Variants in U2SURP observed in about 807,000 individuals in gnomAD.
U2SURP encodes U2 snRNP-associated SURP motif-containing protein.
Under a neutral mutation model 144.9 loss-of-function variants are expected in U2SURP, and 9 were observed. That is an observed-to-expected ratio of 0.06 (90% CI 0.04 to 0.11). The LOEUF is 0.11. Ranked by LOEUF, U2SURP falls within the 10% of genes least tolerant of loss-of-function variation. U2SURP has a pLI of 1.00. For missense variants in U2SURP, 724 were observed against 1,226.7 expected (o/e 0.59, Z 6.12); for synonymous variants, 408 against 396.8 (o/e 1.03, Z -0.33).
chr3:143,034,550 A>T (rs1422675436), intron 18 of U2SURP: 1 of 161,736 alleles, frequency 6.2e-6, no homozygotes, highest in Non-Finnish European at 1.3e-5. Flanking sequence ...GTCTGCTATT[A>T]GTTTTTTTGC....
chr3:143,019,754 C>T (rs1449764015), intron 6 of U2SURP, among the ~76,000 whole-genome samples: 1 of 152,078 alleles, frequency 6.6e-6, no homozygotes, highest in East Asian at 1.9e-4. Context: ...TACTGGTTGT[C>T]ATTTTAATTG....
At chr3:143,019,865 G>T in intron 6 of U2SURP, 104 bp from the exon 7 acceptor site, 1 of 492,616 alleles carries the variant, frequency 2.0e-6, no homozygotes. Context: ...TAAATAATTA[G>T]AACATACAAT....
chr3:143,051,167 C>A, intron 25 of U2SURP, 118 bp downstream of exon 25: 1 of 581,350 alleles, frequency 1.7e-6, no homozygotes, highest in South Asian at 2.5e-5. Context: ...ATTTTGAATA[C>A]TAGTAGGGCA....
chr3:143,050,773 A>C (rs1934815927), intron 24 of U2SURP, among the ~76,000 whole-genome samples, 166 bp from the exon 25 acceptor site: 1 of 152,190 alleles, frequency 6.6e-6, no homozygotes, highest in African/African-American at 2.4e-5. Flanking sequence ...CCATCTGGTC[A>C]GCTGATTTTT....
chr3:143,051,751 G>T (rs1934878046), intron 25 of U2SURP, among the ~76,000 whole-genome samples: 1 of 152,070 alleles, frequency 6.6e-6, no homozygotes, highest in South Asian at 2.1e-4. Context: ...AGCAACTGTG[G>T]TGCTGCTCAG....
chr3:143,049,519 A>G (rs1008836409), intron 24 of U2SURP, among the ~76,000 whole-genome samples: 6 of 152,180 alleles, frequency 3.9e-5, no homozygotes, highest in African/African-American at 9.7e-5. Flanking sequence ...GAGTGGAACA[A>G]TATTGAGCAG....
chr3:143,049,627 A>G (rs939730265), intron 24 of U2SURP, among the ~76,000 whole-genome samples: 2 of 152,216 alleles, frequency 1.3e-5, no homozygotes, highest in South Asian at 2.1e-4. Context: ...GTCCTCCCGT[A>G]GAATTCAAGA....
intron 24 of U2SURP, among the ~76,000 whole-genome samples, chr3:143,049,818 A>G (rs1934755995): frequency 6.6e-6 from 1 of 152,220 alleles, no homozygotes; most frequent in Non-Finnish European, 1.5e-5. Context: ...TCTCCAGAAT[A>G]AAAAGTAAAA....
chr3:143,039,550 T>A (rs1335265139), intron 23 of U2SURP, among the ~76,000 whole-genome samples: 2 of 151,750 alleles, frequency 1.3e-5, no homozygotes, highest in Admixed American at 6.6e-5. Flanking sequence ...GTATTGGCAG[T>A]TTTTAGGAAG....
At chr3:143,002,400 C>T (rs1034182960) in intron 1 of U2SURP, 9 of 152,342 alleles carry the variant, frequency 5.9e-5, no homozygotes, top group Middle Eastern at 3.4e-3. Context: ...TTTGTGTTTA[C>T]AGGGAACCCT....
intron 2 of U2SURP, chr3:143,011,963 T>C (rs1414709516): frequency 1.7e-6 from 1 of 574,322 alleles, no homozygotes; most frequent in Admixed American, 2.2e-5. Context: ...TTCTTGAAAA[T>C]GAAGGTAACG....
chr3:143,033,648 A>G (rs1933637058), intron 18 of U2SURP, among the ~76,000 whole-genome samples: 1 of 152,188 alleles, frequency 6.6e-6, no homozygotes, highest in African/African-American at 2.4e-5. Flanking sequence ...CCTAGAGATG[A>G]TTTAACAGAT....
At chr3:143,032,719 C>T (rs987019137) in intron 16 of U2SURP, 65 bp from the exon 17 acceptor site, 1 of 1,415,572 alleles carries the variant, frequency 7.1e-7, no homozygotes, top group African/African-American at 1.4e-5. Context: ...AGTTTGTGAG[C>T]AAAAGCTACA....
At chr3:143,001,867 G>C (rs1239080361) in intron 1 of U2SURP, among the ~76,000 whole-genome samples, 194 bp downstream of exon 1, 2 of 152,224 alleles carry the variant, frequency 1.3e-5, no homozygotes, top group African/African-American at 2.4e-5. Flanking sequence ...CCGGGATTCA[G>C]CTCGAGACTG....
chr3:143,038,130 A>G lies in U2SURP; in HGVS notation c.2244A>G (p.Lys748=). 1.2e-6 allele frequency: 2 copies of G among 1,606,152 alleles called. No individual in the cohort carries two copies. The highest frequency in any genetic ancestry group is 1.7e-6 in the Non-Finnish European group (2 of 1,176,542). Reference sequence around the variant, plus strand: ...TAGTGGATGCAACTGAAGACTCAAAAAAGAATGAGCCTATATTTAAAGTTG... The same window carrying G: ...TAGTGGATGCAACTGAAGACTCAAAGAAGAATGAGCCTATATTTAAAGTTG... ...GVPLDATEDS[K]KNEPIFKVAP... is the part of the protein sequence containing the mutation. The change falls in exon 22 of 28, where the codon AAA becomes AAG. Residue 748 remains lysine, a synonymous_variant. Transcript: ENST00000473835.
intron 24 of U2SURP, among the ~76,000 whole-genome samples, chr3:143,046,169 T>G (rs565333777): frequency 5.3e-5 from 8 of 150,468 alleles, no homozygotes; most frequent in Non-Finnish European, 1.2e-4. Context: ...ATGGAATAAA[T>G]AAAAACCAAA....
chr3:143,016,175 ATAT>A, intron 4 of U2SURP, 79 bp from the exon 5 acceptor site: 1 of 1,259,310 alleles, frequency 7.9e-7, no homozygotes, highest in South Asian at 1.3e-5. Flanking sequence ...GTTTTCGTCC[ATAT>A]TATTCCTTGA....
At chr3:143,037,422 G>T (rs1360435190) in intron 21 of U2SURP, 87 bp downstream of exon 21, 7 of 1,269,906 alleles carry the variant, frequency 5.5e-6, no homozygotes, top group Admixed American at 2.3e-5. Flanking sequence ...TATGGAAAAA[G>T]GTTATAGTTT....
intron 24 of U2SURP, among the ~76,000 whole-genome samples, chr3:143,049,537 G>T (rs1362293810): frequency 1.3e-5 from 2 of 152,116 alleles, no homozygotes; most frequent in African/African-American, 4.8e-5. Flanking sequence ...CAGATTGGCA[G>T]CCCAGTGGTA....
Sources: allele counts gnomAD v4.1 joint callset (sites outside exome capture counted in the v4.1 genomes callset), GRCh38; gene constraint gnomAD v4.1.1; transcripts MANE v1.5; gene names NCBI Gene and HGNC (gene_info 2026-07-23, HGNC 2026-07-21).